Variants in PIN4 observed in about 807,000 individuals in gnomAD.
PIN4 encodes peptidylprolyl cis/trans isomerase, NIMA-interacting 4.
In PIN4, 3 loss-of-function variants were observed where a neutral mutation model predicts 8.3. The ratio of observed to expected loss-of-function variants is 0.36; its 90% CI spans 0.16 to 0.93. PIN4 has a LOEUF of 0.93. Among genes scored for constraint, PIN4 ranks in the 40% least tolerant of loss-of-function variants. PIN4 has a pLI of 0.44. For missense variants in PIN4, 75 were observed against 100.6 expected (o/e 0.75, Z 1.09); for synonymous variants, 18 against 32.5 (o/e 0.55, Z 1.52).
At chrX:72,218,194 T>C (rs990950779) in intron 3 of PIN4, among the ~76,000 whole-genome samples, 1 of 105,200 alleles carries the variant, frequency 9.5e-6, no homozygotes, top group Admixed American at 1.0e-4. Flanking sequence ...GGTGGGAACC[T>C]GGGAGGCGGA....
chrX:72,256,999 A>C (rs2043113962), intron 3 of PIN4, among the ~76,000 whole-genome samples: 1 of 112,208 alleles, frequency 8.9e-6, no homozygotes, highest in Non-Finnish European at 1.9e-5. Flanking sequence ...AAATGAAACA[A>C]GAGTCACTGA....
At chrX:72,239,771 CAA>C (rs1170667492) in intron 3 of PIN4, among the ~76,000 whole-genome samples, 4 of 13,856 alleles carry the variant, frequency 2.9e-4, no homozygotes, top group African/African-American at 3.0e-4. Flanking sequence ...GACTCCATCT[CAA>C]AAAAAAAAAA....
At chrX:72,252,539 G>A (rs868854115) in intron 3 of PIN4, among the ~76,000 whole-genome samples, 7 of 110,757 alleles carry the variant, frequency 6.3e-5, no homozygotes, top group Non-Finnish European at 1.1e-4. Flanking sequence ...ACAGGCACGC[G>A]CCACCACACT....
chrX:72,197,699 GT>G lies in PIN4; in HGVS notation c.*174del. On this transcript the variant is annotated 3_prime_UTR_variant, in exon 4 of 4. Transcript: ENST00000373669. Reference sequence around the variant, plus strand: ...TATGGGTTTGTAGGTGTAAGAGAGGGTGGGGCTAAGTGAATGTCAACTGTAG... The same window carrying G: ...TATGGGTTTGTAGGTGTAAGAGAGGGGGGGCTAAGTGAATGTCAACTGTAG... 1 of 1,012,634 alleles carries G rather than the reference GT, an allele frequency of 9.9e-7. No homozygotes were observed. The highest frequency in any genetic ancestry group is 1.3e-6 in the Non-Finnish European group (1 of 796,025). 83.5% of individuals were successfully genotyped at this position (1,012,634 alleles called of 1,213,427 possible). A position where few individuals can be genotyped will look rare whatever the true frequency, so the allele number is the denominator to read the frequency against.
intron 3 of PIN4, among the ~76,000 whole-genome samples, chrX:72,252,789 G>T (rs773975731): frequency 2.7e-5 from 3 of 111,819 alleles, no homozygotes; most frequent in Non-Finnish European, 3.8e-5. Flanking sequence ...ATACCATCCC[G>T]TTTTGGGTTA....
intron 3 of PIN4, among the ~76,000 whole-genome samples, chrX:72,254,087 T>A (rs1296841337): frequency 8.0e-5 from 9 of 112,357 alleles, no homozygotes. Context: ...CTTAAGACCT[T>A]TCATTGAGTT....
chrX:72,205,200 G>C (rs1602435090), intron 3 of PIN4: 1 of 1,211,209 alleles, frequency 8.3e-7, no homozygotes, highest in African/African-American at 1.7e-5. Flanking sequence ...CCTTATCCTG[G>C]GGAGAACCAA....
At chrX:72,206,069 A>T in intron 3 of PIN4, 2 of 1,211,027 alleles carry the variant, frequency 1.7e-6, no homozygotes, top group Non-Finnish European at 2.2e-6. Context: ...TTTGTTATGG[A>T]AATAATGGGC....
At chrX:72,235,747 A>C (rs1016738741) in intron 3 of PIN4, among the ~76,000 whole-genome samples, 1 of 110,635 alleles carries the variant, frequency 9.0e-6, no homozygotes, top group Non-Finnish European at 1.9e-5. Flanking sequence ...AGATATTCCA[A>C]TTTCCCTATT....
Position 72,197,789 on chromosome X carries a change from T to TG in PIN4, c.*263_*264insG. Reference sequence around the variant, plus strand: ...AGACTCCCTTTAACCTGTATTCTCTTTCCTCCCAGAACTATATCTGACTCT... The same window carrying TG: ...AGACTCCCTTTAACCTGTATTCTCTTGTCCTCCCAGAACTATATCTGACTCT... On this transcript the variant is annotated 3_prime_UTR_variant, in exon 4 of 4. Coordinates refer to ENST00000373669, the MANE Select transcript of PIN4 (RefSeq NM_006223.4). 1.2e-6 allele frequency: 1 copy of TG among 839,259 alleles called. No homozygotes were observed. The highest frequency in any genetic ancestry group is 1.4e-6 in the Non-Finnish European group (1 of 690,831). The allele number at this position is 839,259 out of a possible 1,213,427, so 69.2% of individuals were successfully genotyped here.
rs4466531 is a variant in PIN4 at position 72,205,011 on chromosome X, T to C, written c.312+8107T>C. ...TTTAAAATACAATAAACAGGTTACA[T>C]TCTCAATTGTTATTAAGTTGCTTAT... On this transcript the variant is annotated intron_variant, in intron 3 of 3. Coordinates refer to the PIN4 transcript ENST00000423432. 9.1e-3 allele frequency: 10,616 copies of C among 1,169,880 alleles called. 165 individuals carry two copies. The highest frequency in any genetic ancestry group is 0.086 in the African/African-American group (4,811 of 55,698).
At chrX:72,235,804 GGT>G (rs2043014483) in intron 3 of PIN4, among the ~76,000 whole-genome samples, 1 of 111,855 alleles carries the variant, frequency 8.9e-6, no homozygotes, top group African/African-American at 3.3e-5. Context: ...ACCATATGAG[GGT>G]AACATATTCA....
chrX:72,219,236 A>G (rs1419495524), intron 3 of PIN4, among the ~76,000 whole-genome samples: 1 of 109,770 alleles, frequency 9.1e-6, no homozygotes, highest in Non-Finnish European at 1.9e-5. Flanking sequence ...AGCCTGGGAA[A>G]CAGAATGAGA....
At chrX:72,195,627 G>A (rs771931990) in intron 2 of PIN4, among the ~76,000 whole-genome samples, 2 of 109,668 alleles carry the variant, frequency 1.8e-5, no homozygotes, top group African/African-American at 3.3e-5. Context: ...GGCAACAGAC[G>A]GAGACTCTGT....
intron 3 of PIN4, among the ~76,000 whole-genome samples, chrX:72,241,348 T>C (rs1401637315): frequency 1.8e-5 from 2 of 111,306 alleles, no homozygotes; most frequent in East Asian, 5.7e-4. Flanking sequence ...AGGCCCTTTT[T>C]GCTCTTCTGC....
intron 3 of PIN4, among the ~76,000 whole-genome samples, chrX:72,231,136 G>T (rs1302755413): frequency 3.6e-5 from 4 of 112,115 alleles, no homozygotes; most frequent in Non-Finnish European, 7.5e-5. Flanking sequence ...GTTCACTGCA[G>T]CATTATTCAT....
At chrX:72,228,749 GT>G (rs1176754011) in intron 3 of PIN4, among the ~76,000 whole-genome samples, 1 of 108,219 alleles carries the variant, frequency 9.2e-6, no homozygotes, top group East Asian at 2.9e-4. Flanking sequence ...CTTTTTGCTT[GT>G]TTTTTTTTCA....
intron 3 of PIN4, among the ~76,000 whole-genome samples, chrX:72,221,738 T>C (rs1956142215): frequency 9.0e-6 from 1 of 110,625 alleles, no homozygotes; most frequent in Non-Finnish European, 1.9e-5. Flanking sequence ...GAATGGCAAA[T>C]GGCAAGAGGT....
intron 3 of PIN4, among the ~76,000 whole-genome samples, chrX:72,241,347 T>A (rs2043048302): frequency 1.8e-5 from 2 of 111,126 alleles, no homozygotes; most frequent in African/African-American, 6.6e-5. Context: ...TAGGCCCTTT[T>A]TGCTCTTCTG....
Sources: gnomAD v4.1 joint callset for allele counts (sites outside exome capture counted in the v4.1 genomes callset) on GRCh38, gnomAD v4.1.1 for gene constraint, MANE v1.5 for transcripts, NCBI Gene and HGNC (gene_info 2026-07-23, HGNC 2026-07-21) for gene names.